AKAP13: variants seen among roughly 807,000 people sequenced by gnomAD.
AKAP13 encodes A-kinase anchor protein 13.
AKAP13 carries 80 observed loss-of-function variants against 264.5 expected under a neutral mutation model. The observed-to-expected ratio is 0.30, with a 90% CI of 0.25 to 0.36. The LOEUF is 0.36. Ranked by LOEUF, AKAP13 falls within the 10% of genes least tolerant of loss-of-function variation. The pLI, the probability that AKAP13 is intolerant of heterozygous loss-of-function variation, is 1.00. For missense variants in AKAP13, 3,712 were observed against 3,435.2 expected (o/e 1.08, Z -2.01); for synonymous variants, 1,380 against 1,250.2 (o/e 1.10, Z -2.19).
At chr15:85,686,827 T>G (rs1028954011) in intron 16 of AKAP13, among the ~76,000 whole-genome samples, 1 of 152,226 alleles carries the variant, frequency 6.6e-6, no homozygotes, top group African/African-American at 2.4e-5. Flanking sequence ...CCACTAGGTG[T>G]TAACAGGCAC....
chr15:85,438,989 GCTT>G (rs2073477977), intron 1 of AKAP13, among the ~76,000 whole-genome samples: 1 of 145,062 alleles, frequency 6.9e-6, no homozygotes, highest in African/African-American at 2.5e-5. Context: ...AAACTAAAGA[GCTT>G]CTGCACAGCA....
At position 85,639,432 on chromosome 15, in the gene AKAP13, C is replaced by G. The variant is rs766369804; in HGVS notation, c.4220C>G (p.Ala1407Gly). The change falls in exon 9 of 37, where the codon GCT becomes GGT. Residue 1407 changes from alanine (A) to glycine (G), a missense_variant. Around this residue, in one of 3 missense-constraint regions of AKAP13, gnomAD observed 2,759 missense variants for 2,411.7 expected, o/e 1.14. Coordinates refer to ENST00000394518, the MANE Select transcript of AKAP13 (RefSeq NM_007200.5). ...TGCCCTGATGCAGCATCTCTTCTGG[C>G]TTCCAAGCAGAGCCCAGGTAAGCTG... is the stretch of plus-strand genomic sequence containing the variant. ...EPCPDAASLL[A>G]SKQSPECENF... The G allele has an allele frequency of 8.1e-6, 13 of 1,612,750 alleles. No individual in the cohort carries two copies. The highest frequency in any genetic ancestry group is 1.1e-5 in the Non-Finnish European group (13 of 1,179,238).
chr15:85,573,287 C>T (rs2078886276), intron 5 of AKAP13, among the ~76,000 whole-genome samples: 1 of 152,186 alleles, frequency 6.6e-6, no homozygotes, highest in East Asian at 1.9e-4. Flanking sequence ...ATTATAATAA[C>T]TGTGATATAG....
At chr15:85,545,519 G>T (rs1002346131) in intron 5 of AKAP13, among the ~76,000 whole-genome samples, 21 of 152,292 alleles carry the variant, frequency 1.4e-4, no homozygotes, top group African/African-American at 4.8e-4. Context: ...ATGTGGGAAA[G>T]CCACTTACCT....
At chr15:85,400,117 G>C (rs951343219) in intron 1 of AKAP13, among the ~76,000 whole-genome samples, 1 of 152,072 alleles carries the variant, frequency 6.6e-6, no homozygotes, top group African/African-American at 2.4e-5. Flanking sequence ...TTTTAGTTCT[G>C]GGCCAGGCTC....
At chr15:85,470,765 C>T (rs1483302113) in intron 1 of AKAP13, among the ~76,000 whole-genome samples, 1 of 152,174 alleles carries the variant, frequency 6.6e-6, no homozygotes, top group Admixed American at 6.5e-5. Context: ...AGGCTCAGTG[C>T]TTTAAGCATT....
intron 11 of AKAP13, among the ~76,000 whole-genome samples, chr15:85,656,660 G>A (rs981567822): frequency 2.0e-5 from 3 of 152,154 alleles, no homozygotes; most frequent in Non-Finnish European, 4.4e-5. Context: ...GTGTTAGCCA[G>A]GATGGTCTCG....
At position 85,645,910 on chromosome 15, in the gene AKAP13, T is replaced by C; in HGVS notation, c.4330T>C (p.Phe1444Leu). ...AGAATCTGGGAGTGATTCTGACCTC[T>C]TTCACTCACCCAGTGATGACATGGA... is the stretch of plus-strand genomic sequence containing the variant. ...KRESGSDSDL[F>L]HSPSDDMDSI... Residue 1444 changes from phenylalanine (F) to leucine (L), a missense_variant, in exon 10 of 37, where the codon TTT (phenylalanine) becomes CTT (leucine). Phe to Leu is a conservative substitution (Grantham distance 22). Transcript: ENST00000394518. 6.2e-7 allele frequency: 1 copy of C among 1,613,994 alleles called. No individual in the cohort carries two copies. Among genetic ancestry groups the C allele is most frequent in the South Asian group, 1.1e-5 (1 of 91,088 alleles).
chr15:85,422,049 G>A (rs2072548939), intron 1 of AKAP13, among the ~76,000 whole-genome samples: 1 of 152,226 alleles, frequency 6.6e-6, no homozygotes. Context: ...GATGTGAATA[G>A]TACAGATGAT....
chr15:85,437,052 A>G (rs1170986227), intron 1 of AKAP13, among the ~76,000 whole-genome samples: 3 of 147,336 alleles, frequency 2.0e-5, no homozygotes, highest in African/African-American at 7.6e-5. Context: ...GAAAGGATCA[A>G]CAAAATTGAT....
Position 85,389,554 on chromosome 15 carries a change from T to C in AKAP13, c.-12+8756T>C, listed in dbSNP as rs530213422. Among the ~76,000 whole-genome samples the C allele has an allele frequency of 3.3e-5, 5 of 152,318 alleles. No homozygotes were observed. The East Asian group carries it at 7.7e-4, about 23-fold the overall frequency. On this transcript the variant is annotated intron_variant, in intron 1 of 36. Transcript: ENST00000394518. ...CGTCATGGTTAGCAGCTGAAGTCCT[T>C]TGGGTGAGTATGCTTTGTTGGTGGT...
At position 85,727,526 on chromosome 15, in the gene AKAP13, G is replaced by A. The variant is rs146885907; in HGVS notation, c.7087+63G>A. 8.8e-6 allele frequency: 14 copies of A among 1,584,126 alleles called. No homozygotes were observed. In the East Asian group the frequency reaches 2.5e-4, roughly 29 times the overall value. ...ATGTCTGCAGTTGCAGAAGACTGCT[G>A]GTGGATTTTAGAGGTACGGGTTTGC... is the stretch of plus-strand genomic sequence containing the variant. On this transcript the variant is annotated intron_variant, in intron 29 of 36. Coordinates refer to ENST00000394518, the MANE Select transcript of AKAP13 (RefSeq NM_007200.5). The surrounding 1 kb of genome is among the most constrained non-coding windows in gnomAD (Gnocchi z 5.3).
intron 9 of AKAP13, among the ~76,000 whole-genome samples, 166 bp downstream of exon 9, chr15:85,639,615 A>G (rs938678706): frequency 2.2e-5 from 2 of 89,214 alleles, no homozygotes; most frequent in African/African-American, 8.9e-5. Flanking sequence ...AGATGAACAC[A>G]TGTAATTACC....
Position 85,741,211 on chromosome 15 carries a change from G to A in AKAP13, c.7774G>A (p.Ala2592Thr), listed in dbSNP as rs749839842. ...QDLANLQKQQ[A>T]QYLEEKRRRE... The stretch of plus-strand genomic sequence containing the variant: ...CCTGGCCAACCTGCAGAAGCAGCAG[G>A]CCCAGTACCTCGAGGAGAAGCGCAG... The change falls in exon 35 of 37, where the codon GCC (alanine) becomes ACC (threonine). Residue 2592 changes from alanine to threonine, a missense_variant. Transcript: ENST00000394518. 6.2e-7 allele frequency: 1 copy of A among 1,610,346 alleles called. No homozygotes were observed. Among genetic ancestry groups the A allele is most frequent in the South Asian group, 1.1e-5 (1 of 90,634 alleles).
At chr15:85,491,782 A>G (rs1054042002) in intron 2 of AKAP13, among the ~76,000 whole-genome samples, 6 of 152,036 alleles carry the variant, frequency 3.9e-5, no homozygotes, top group Admixed American at 3.3e-4. Flanking sequence ...ATTCATTTGC[A>G]TCACCTGTAA....
intron 1 of AKAP13, among the ~76,000 whole-genome samples, chr15:85,455,513 C>T (rs1216930191): frequency 6.6e-6 from 1 of 151,988 alleles, no homozygotes; most frequent in Admixed American, 6.6e-5. Context: ...ATACTTATAG[C>T]CACCATGACG....
intron 8 of AKAP13, among the ~76,000 whole-genome samples, chr15:85,586,352 A>G (rs567927275): frequency 1.3e-5 from 2 of 152,150 alleles, no homozygotes; most frequent in African/African-American, 4.8e-5. Context: ...AATTACAGGC[A>G]TGCGCCACCA....
intron 1 of AKAP13, among the ~76,000 whole-genome samples, chr15:85,430,467 T>C (rs11856991): frequency 0.21 from 32,470 of 152,186 alleles, 4,266 homozygotes; most frequent in African/African-American, 0.35. Flanking sequence ...TTATGTGACT[T>C]AATCTTCCCA....
At chr15:85,507,399 A>C (rs1032963194) in intron 2 of AKAP13, among the ~76,000 whole-genome samples, 3 of 151,898 alleles carry the variant, frequency 2.0e-5, no homozygotes, top group Non-Finnish European at 4.4e-5. Context: ...AAAAAAAAAC[A>C]TAAGAAACGA....
Sources: gnomAD v4.1 joint callset for allele counts (sites outside exome capture counted in the v4.1 genomes callset) on GRCh38, gnomAD v4.1.1 for gene constraint, gnomAD v4.1.1 regional missense constraint, Gnocchi (gnomAD v3.1) non-coding constraint, MANE v1.5 for transcripts, NCBI Gene and HGNC (gene_info 2026-07-23, HGNC 2026-07-21) for gene names.